The following SIRPB2 variants were observed in gnomAD, a reference collection of about 807,000 sequenced individuals.
SIRPB2 encodes signal-regulatory protein beta-2.
In SIRPB2, 18 loss-of-function variants were observed where a neutral mutation model predicts 27.1. That is an observed-to-expected ratio of 0.66 (90% CI 0.46 to 0.98). The LOEUF is 0.98. Among genes scored for constraint, SIRPB2 ranks in the 50% least tolerant of loss-of-function variants. The probability of loss-of-function intolerance (pLI) is 0.00; values close to 1 mark genes in which losing one functional copy is unlikely to be tolerated. For missense variants in SIRPB2, 420 were observed against 417.4 expected (o/e 1.01, Z -0.06); for synonymous variants, 150 against 164.6 (o/e 0.91, Z 0.68).
At chr20:1,480,546 G>T in intron 1 of SIRPB2, 1 of 163,774 alleles carries the variant, frequency 6.1e-6, no homozygotes, top group South Asian at 1.6e-4. Context: ...AGGTCATTGG[G>T]GTTGGGCCTT....
Position 1,489,177 on chromosome 20 carries a change from G to A in SIRPB2, c.85+2098C>T, listed in dbSNP as rs922822987. 1.1e-4 allele frequency among the ~76,000 whole-genome samples: 16 copies of A among 152,188 alleles called. No homozygotes were observed. The East Asian group carries it at 2.3e-3, about 22-fold the overall frequency. On this transcript the variant is annotated intron_variant, in intron 1 of 4. Transcript: ENST00000359801. ...AACTATAGTGACAGAATACAGATCCGTGGTTGTTTTGGAGACAAGGAGGAG... is the reference window on the plus strand; with the variant it reads ...AACTATAGTGACAGAATACAGATCCATGGTTGTTTTGGAGACAAGGAGGAG...
At chr20:1,477,212 C>T (rs2090614829) in intron 4 of SIRPB2, 126 bp downstream of exon 4, 1 of 1,611,364 alleles carries the variant, frequency 6.2e-7, no homozygotes, top group African/African-American at 1.3e-5. Context: ...AGATGAAGTC[C>T]TGGGAGCATT....
At chr20:1,482,382 C>T (rs6135063) in intron 1 of SIRPB2, among the ~76,000 whole-genome samples, 21,170 of 152,090 alleles carry the variant, frequency 0.14, 2,704 homozygotes, top group East Asian at 0.74. Context: ...TCACTCTTAA[C>T]CCCTCTCCCT....
chr20:1,472,308 T>C (rs2090583121), downstream of SIRPB2, among the ~76,000 whole-genome samples: 2 of 152,192 alleles, frequency 1.3e-5, no homozygotes, highest in Admixed American at 1.3e-4. Flanking sequence ...CCTTAAATTG[T>C]TCATCTTTTG....
At chr20:1,489,863 C>T (rs75778408) in intron 1 of SIRPB2, among the ~76,000 whole-genome samples, 1,623 of 152,198 alleles carry the variant, frequency 0.011, 33 homozygotes, top group African/African-American at 0.038. Flanking sequence ...AAGTGCAAAA[C>T]GGGAATGCAG....
In SIRPB2 at chr20:1,477,962, C is replaced by T. The variant is rs548159716; in HGVS notation, c.793+304G>A. 33 of 511,112 alleles carry T rather than the reference C, an allele frequency of 6.5e-5. 1 individual carries two copies. The highest frequency in any genetic ancestry group is 3.0e-4 in the Middle Eastern group (1 of 3,356). 31.7% of individuals were successfully genotyped at this position (511,112 alleles called of 1,614,324 possible). A position where few individuals can be genotyped will look rare whatever the true frequency, so the allele number is the denominator to read the frequency against. ...GTGCTGGGATTACAAGAGTGAACTA[C>T]GGTGCCTGGCCAATGTTTGTTGAAT... On this transcript the variant is annotated intron_variant, in intron 3 of 4. Coordinates refer to ENST00000359801, the MANE Select transcript of SIRPB2 (RefSeq NM_001122962.2).
intron 1 of SIRPB2, among the ~76,000 whole-genome samples, chr20:1,482,551 C>T (rs921497802): frequency 6.6e-6 from 1 of 150,906 alleles, no homozygotes; most frequent in African/African-American, 2.4e-5. Flanking sequence ...TCCTTCCTTC[C>T]TTCCTTCCTC....
chr20:1,480,260 AC>A, intron 1 of SIRPB2, 195 bp from the exon 2 acceptor site: 1 of 662,980 alleles, frequency 1.5e-6, no homozygotes, highest in Non-Finnish European at 2.5e-6. Flanking sequence ...GCAATGGCAA[AC>A]CTACAAACAA....
chr20:1,488,302 G>T (rs1210140567), intron 1 of SIRPB2, among the ~76,000 whole-genome samples: 1 of 152,164 alleles, frequency 6.6e-6, no homozygotes, highest in Non-Finnish European at 1.5e-5. Context: ...AAGGATGCAT[G>T]ATGTAAAAAA....
chr20:1,475,781 T>TAAGAAA lies in SIRPB2; in HGVS notation c.*385_*386insTTTCTT. 4 of 137,438 alleles carry TAAGAAA rather than the reference T, an allele frequency of 2.9e-5. No homozygotes were observed. The highest frequency in any genetic ancestry group is 4.7e-5 in the Non-Finnish European group (3 of 64,186). The allele number at this position is 137,438 out of a possible 1,614,324, so 8.5% of individuals were successfully genotyped here. A position where few individuals can be genotyped will look rare whatever the true frequency, so the allele number is the denominator to read the frequency against. ...GAGGGGCACAGATGGTCTGGCTGGT[T>TAAGAAA]GAGTTCAGAGATTCTTACAGACATC... On this transcript the variant is annotated 3_prime_UTR_variant, in exon 5 of 5. Transcript: ENST00000359801.
chr20:1,478,536 T>C lies in SIRPB2; in HGVS notation c.523A>G (p.Thr175Ala), dbSNP rs762440362. Reference sequence around the variant, plus strand: ...AGCACTGTGCAGTTCAGAAAGACAGTGTCTCCAGTGGTCCCCAACACCAAT... The same window carrying C: ...AGCACTGTGCAGTTCAGAAAGACAGCGTCTCCAGTGGTCCCCAACACCAAT... ...QELVLGTTGDTVFLNCTVLGD... is the reference protein window; with the variant it reads ...QELVLGTTGDAVFLNCTVLGD... The change falls in exon 3 of 5, where the codon ACT becomes GCT. Residue 175 changes from threonine to alanine, a missense_variant. Coordinates refer to ENST00000359801, the MANE Select transcript of SIRPB2 (RefSeq NM_001122962.2). 2 of 1,613,462 alleles carry C rather than the reference T, an allele frequency of 1.2e-6. No homozygotes were observed. Among genetic ancestry groups the C allele is most frequent in the Non-Finnish European group, 1.7e-6 (2 of 1,179,628 alleles).
At chr20:1,476,700 G>T in intron 4 of SIRPB2, 1 of 1,051,862 alleles carries the variant, frequency 9.5e-7, no homozygotes, top group South Asian at 3.3e-5. Flanking sequence ...ATGTGTTAAA[G>T]AAGTCACGGG....
Position 1,475,781 on chromosome 20 carries a change from T to TCATTCAAAAA in SIRPB2, c.*385_*386insTTTTTGAATG. The stretch of plus-strand genomic sequence containing the variant: ...GAGGGGCACAGATGGTCTGGCTGGT[T>TCATTCAAAAA]GAGTTCAGAGATTCTTACAGACATC... On this transcript the variant is annotated 3_prime_UTR_variant, in exon 5 of 5. Coordinates refer to ENST00000359801, the MANE Select transcript of SIRPB2 (RefSeq NM_001122962.2). 7.3e-6 allele frequency: 1 copy of TCATTCAAAAA among 137,440 alleles called. No individual in the cohort carries two copies. The highest frequency in any genetic ancestry group is 1.6e-5 in the Non-Finnish European group (1 of 64,188). The allele number at this position is 137,440 out of a possible 1,614,324, so 8.5% of individuals were successfully genotyped here.
chr20:1,477,777 G>T (rs1377472167), intron 3 of SIRPB2, among the ~76,000 whole-genome samples: 1 of 152,216 alleles, frequency 6.6e-6, no homozygotes, highest in East Asian at 1.9e-4. Context: ...CCAGGTTCAA[G>T]AGACTCTCCT....
intron 1 of SIRPB2, among the ~76,000 whole-genome samples, chr20:1,485,653 C>CACCA (rs1555799540): frequency 1.8e-3 from 263 of 147,182 alleles, no homozygotes; most frequent in Admixed American, 0.011. Context: ...CACACACACA[C>CACCA]CACACACACA....
At chr20:1,485,049 A>G (rs1373863107) in intron 1 of SIRPB2, among the ~76,000 whole-genome samples, 1 of 152,180 alleles carries the variant, frequency 6.6e-6, no homozygotes, top group African/African-American at 2.4e-5. Flanking sequence ...TGATCTCATG[A>G]AAGCAGAGGG....
intron 1 of SIRPB2, among the ~76,000 whole-genome samples, chr20:1,481,216 A>C (rs1422893684): frequency 6.6e-6 from 1 of 152,054 alleles, no homozygotes; most frequent in African/African-American, 2.4e-5. Flanking sequence ...GGGTCTCACT[A>C]TGGTGCCCAG....
chr20:1,476,970 C>T, intron 4 of SIRPB2: 1 of 1,217,676 alleles, frequency 8.2e-7, no homozygotes, highest in Non-Finnish European at 1.0e-6. Context: ...GGGCGAGAAC[C>T]TGCCCATTAC....
In SIRPB2 at chr20:1,476,292, T is replaced by C. The variant is rs765180384; in HGVS notation, c.904A>G (p.Ile302Val). 3.7e-6 allele frequency: 6 copies of C among 1,613,476 alleles called. No homozygotes were observed. The South Asian group carries it at 5.5e-5, about 15-fold the overall frequency. ...GCCAGTAGGAGTGCAGCCAAGGTAATTGCCTTCAGCCCCAGGACCACAGGT... is the reference window on the plus strand; with the variant it reads ...GCCAGTAGGAGTGCAGCCAAGGTAACTGCCTTCAGCCCCAGGACCACAGGT... ...FAPVVLGLKA[I>V]TLAALLLALA... Residue 302 changes from isoleucine (I) to valine (V), a missense_variant, in exon 5 of 5, where the codon ATT becomes GTT. Physicochemically the swap from Ile to Val is conservative, Grantham distance 29. Transcript: ENST00000359801.
Sources: gnomAD v4.1 joint callset for allele counts (sites outside exome capture counted in the v4.1 genomes callset) on GRCh38, gnomAD v4.1.1 for gene constraint, MANE v1.5 for transcripts, NCBI Gene and HGNC (gene_info 2026-07-23, HGNC 2026-07-21) for gene names.